LIFR: variants seen among roughly 807,000 people sequenced by gnomAD.
LIFR encodes leukemia inhibitory factor receptor.
In LIFR, 84 loss-of-function variants were observed where a neutral mutation model predicts 122.2. The observed-to-expected ratio is 0.69, with a 90% CI of 0.58 to 0.82. The LOEUF is 0.82. LIFR is among the 40% of genes least tolerant of loss of function. LIFR has a pLI of 0.00. For synonymous variants in LIFR, 422 were observed against 434.7 expected, an observed-to-expected ratio of 0.97 and a Z score of 0.36; for missense variants, 1,294 against 1,311.6, an observed-to-expected ratio of 0.99 and a Z score of 0.21.
chr5:38,516,106 A>AT lies in LIFR; in HGVS notation c.562-4143dup, dbSNP rs1186026183. Among the ~76,000 whole-genome samples, 6 of 152,016 alleles carry AT rather than the reference A, an allele frequency of 3.9e-5. No homozygotes were observed. The South Asian group carries it at 8.3e-4, about 21-fold the overall frequency. ...TTGCTTCTTGCTATTATTTTCCCAAATTTTTTCCCAAAAGTAAGGAATTAC... is the reference window on the plus strand; with the variant it reads ...TTGCTTCTTGCTATTATTTTCCCAAATTTTTTTCCCAAAAGTAAGGAATTAC... On this transcript the variant is annotated intron_variant, in intron 5 of 19. Coordinates refer to ENST00000453190, the MANE Select transcript of LIFR (RefSeq NM_001127671.2).
intron 1 of LIFR, among the ~76,000 whole-genome samples, chr5:38,572,420 A>G (rs1225326835): frequency 1.3e-5 from 2 of 152,132 alleles, no homozygotes; most frequent in East Asian, 1.9e-4. Context: ...TGAGAAACCT[A>G]CTCCCATGAT....
intron 1 of LIFR, among the ~76,000 whole-genome samples, chr5:38,580,570 T>A (rs923188122): frequency 6.6e-6 from 1 of 152,160 alleles, no homozygotes; most frequent in Non-Finnish European, 1.5e-5. Flanking sequence ...CCCACCTAGA[T>A]CTGTCTCCAC....
Position 38,493,594 on chromosome 5 carries a change from A to G in LIFR, c.2065+12T>C, listed in dbSNP as rs200391251. On this transcript the variant is annotated intron_variant, in intron 14 of 19. Coordinates refer to ENST00000453190, the MANE Select transcript of LIFR (RefSeq NM_001127671.2). ...TTGTAGAACTTAATTGAGAGACACT[A>G]ATTCATCTTACCAGATTCTATTACA... 4.7e-5 allele frequency: 75 copies of G among 1,610,432 alleles called. No individual in the cohort carries two copies. The highest frequency in any genetic ancestry group is 5.9e-5 in the Non-Finnish European group (69 of 1,176,726).
intron 1 of LIFR, among the ~76,000 whole-genome samples, chr5:38,554,625 T>G (rs1419281305): frequency 6.6e-6 from 1 of 152,144 alleles, no homozygotes; most frequent in East Asian, 1.9e-4. Context: ...GGGGAGCTGG[T>G]GCACAGTATA....
intron 5 of LIFR, among the ~76,000 whole-genome samples, chr5:38,520,881 A>T (rs187658536): frequency 6.1e-4 from 93 of 152,258 alleles, no homozygotes; most frequent in African/African-American, 2.1e-3. Flanking sequence ...GATGTCTCCA[A>T]GTTTGTTCTT....
upstream of LIFR, among the ~76,000 whole-genome samples, chr5:38,599,174 G>A (rs185079105): frequency 1.3e-5 from 2 of 152,340 alleles, no homozygotes; most frequent in East Asian, 3.9e-4. Flanking sequence ...CAGAAAGTGA[G>A]TCAGGGATAA....
At chr5:38,528,082 G>C (rs1413964851) in intron 3 of LIFR, among the ~76,000 whole-genome samples, 2 of 152,102 alleles carry the variant, frequency 1.3e-5, no homozygotes, top group Admixed American at 1.3e-4. Context: ...AAAAACACCT[G>C]AATTCTCCAA....
At chr5:38,536,700 C>T (rs1194065931) in intron 1 of LIFR, among the ~76,000 whole-genome samples, 2 of 152,204 alleles carry the variant, frequency 1.3e-5, no homozygotes, top group Non-Finnish European at 2.9e-5. Context: ...CTTTTGACTA[C>T]AAGCATCATA....
At chr5:38,568,348 G>GGGCTA (rs1271588643) in intron 1 of LIFR, among the ~76,000 whole-genome samples, 1 of 152,168 alleles carries the variant, frequency 6.6e-6, no homozygotes, top group Non-Finnish European at 1.5e-5. Flanking sequence ...AATGAGACAA[G>GGGCTA]GGCCTATGGG....
intron 5 of LIFR, among the ~76,000 whole-genome samples, chr5:38,520,042 C>G (rs997628625): frequency 6.6e-6 from 1 of 152,156 alleles, no homozygotes; most frequent in South Asian, 2.1e-4. Context: ...TGAGAAATCT[C>G]CATACCGATT....
At chr5:38,493,810 T>C (rs1462944153) in intron 13 of LIFR, 25 bp from the exon 14 acceptor site, 1 of 1,592,958 alleles carries the variant, frequency 6.3e-7, no homozygotes, top group Non-Finnish European at 8.6e-7. Context: ...GAGGATATTT[T>C]ACTGGCATTA....
rs1318079986 is a variant in LIFR, at chr5:38,608,177, T to G, written n.178A>C. ...CACAAGAATCTCCTGGTTGCCTGTC[T>G]GGGCTTCTGTCAGCTCCATTTAGTT... On this transcript the variant is annotated non_coding_transcript_exon_variant, in exon 1 of 4. Coordinates refer to the LIFR transcript ENST00000507786. The G allele has an allele frequency of 6.6e-5, 10 of 152,230 alleles. No individual in the cohort carries two copies. The East Asian group carries it at 1.9e-3, about 29-fold the overall frequency. 9.4% of individuals were successfully genotyped at this position (152,230 alleles called of 1,614,324 possible).
Position 38,527,194 on chromosome 5 carries a change from T to C in LIFR, c.358A>G (p.Ser120Gly). The C allele has an allele frequency of 6.3e-7, 1 of 1,591,664 alleles. No homozygotes were observed. The change falls in exon 4 of 20, where the codon AGT becomes GGT. Residue 120 changes from serine to glycine, a missense_variant. Transcript: ENST00000453190. ...TTTAGTGTGAATTTACTTGTAGAAC[T>C]TCCAAAATCATGTAGAGAATTTATT... ...ITINSLHDFG[S>G]STSKFTLNEQ...
chr5:38,482,258 A>G, intron 19 of LIFR, 40 bp from the exon 20 acceptor site: 5 of 1,578,570 alleles, frequency 3.2e-6, no homozygotes, highest in Non-Finnish European at 3.4e-6. Context: ...AAATAGCACT[A>G]AATGCCATTG....
Position 38,481,966 on chromosome 5 carries a change from T to C in LIFR, c.2923A>G (p.Ile975Val), listed in dbSNP as rs199912513. 6.8e-6 allele frequency: 11 copies of C among 1,614,076 alleles called. No individual in the cohort carries two copies. Among genetic ancestry groups the C allele is most frequent in the Non-Finnish European group, 8.5e-6 (10 of 1,180,052 alleles). Reference sequence around the variant, plus strand: ...GGCTGATACATCGACTGAACATCAATGTAAATAACCTGTGCAGTCCCTCCA... The same window carrying C: ...GGCTGATACATCGACTGAACATCAACGTAAATAACCTGTGCAGTCCCTCCA... ...EAGGTAQVIY[I>V]DVQSMYQPQA... The change falls in exon 20 of 20, where the codon ATT (isoleucine) becomes GTT (valine). Residue 975 changes from isoleucine (I) to valine (V), a missense_variant. Ile to Val is a conservative substitution (Grantham distance 29). Transcript: ENST00000453190.
intron 1 of LIFR, among the ~76,000 whole-genome samples, chr5:38,547,343 A>G (rs1200466960): frequency 6.6e-6 from 1 of 152,146 alleles, no homozygotes; most frequent in Admixed American, 6.6e-5. Flanking sequence ...CCTAACTTAC[A>G]CCCTCTCAAA....
At chr5:38,484,738 A>G (rs1421738199) in intron 18 of LIFR, 37 bp downstream of exon 18, 2 of 1,333,046 alleles carry the variant, frequency 1.5e-6, no homozygotes, top group Non-Finnish European at 2.2e-6. Flanking sequence ...TCATGCCTTT[A>G]AGAAGAAAAC....
At chr5:38,545,732 G>A (rs1747848597) in intron 1 of LIFR, among the ~76,000 whole-genome samples, 1 of 151,484 alleles carries the variant, frequency 6.6e-6, no homozygotes, top group South Asian at 2.1e-4. Flanking sequence ...CATGGTGGCG[G>A]GCGCCTGTAG....
At chr5:38,522,693 T>G (rs1047243573) in intron 5 of LIFR, among the ~76,000 whole-genome samples, 1 of 152,180 alleles carries the variant, frequency 6.6e-6, no homozygotes, top group Admixed American at 6.5e-5. Context: ...AATACATGGG[T>G]TGTCAAAGAG....
Sources: gnomAD v4.1 joint callset for allele counts (sites outside exome capture counted in the v4.1 genomes callset) on GRCh38, gnomAD v4.1.1 for gene constraint, MANE v1.5 for transcripts, NCBI Gene and HGNC (gene_info 2026-07-23, HGNC 2026-07-21) for gene names.